GNAO1: variants seen among roughly 807,000 people sequenced by gnomAD.
GNAO1 encodes guanine nucleotide-binding protein G(o) subunit alpha.
For synonymous variants in GNAO1, 164 were observed against 180.7 expected (o/e 0.91, Z 0.74); for missense variants, 166 against 478.7 (o/e 0.35, Z 6.10).
chr16:56,218,152 C>T (rs2036452317), intron 2 of GNAO1, among the ~76,000 whole-genome samples: 2 of 152,220 alleles, frequency 1.3e-5, no homozygotes, highest in African/African-American at 2.4e-5. Flanking sequence ...GCGAGAGATC[C>T]TCTCAAATGT....
intron 4 of GNAO1, among the ~76,000 whole-genome samples, chr16:56,330,846 C>G (rs1157312731): frequency 6.6e-6 from 1 of 152,244 alleles, no homozygotes; most frequent in East Asian, 1.9e-4. Flanking sequence ...CTCATCTCTG[C>G]CTTCTTTCAA....
intron 2 of GNAO1, among the ~76,000 whole-genome samples, chr16:56,262,278 G>T (rs1239895878): frequency 6.6e-6 from 1 of 152,222 alleles, no homozygotes; most frequent in Non-Finnish European, 1.5e-5. Flanking sequence ...AGGGAGCCAG[G>T]AGGAACCCAG....
At chr16:56,273,356 C>A (rs1307178633) in intron 2 of GNAO1, among the ~76,000 whole-genome samples, 2 of 152,156 alleles carry the variant, frequency 1.3e-5, no homozygotes, top group Admixed American at 1.3e-4. Flanking sequence ...ATATTTTCAT[C>A]AGTTGATATT....
intron 2 of GNAO1, among the ~76,000 whole-genome samples, chr16:56,265,376 C>A (rs186413172): frequency 6.6e-6 from 1 of 152,348 alleles, no homozygotes; most frequent in Admixed American, 6.5e-5. Flanking sequence ...AGAAGGCAGG[C>A]CTGGCCATGC....
At chr16:56,242,909 T>C (rs549560246) in intron 2 of GNAO1, among the ~76,000 whole-genome samples, 20 of 152,232 alleles carry the variant, frequency 1.3e-4, no homozygotes, top group African/African-American at 4.3e-4. Flanking sequence ...AGCAGGTGAG[T>C]GAGCAAAGCT....
intron 2 of GNAO1, among the ~76,000 whole-genome samples, chr16:56,224,867 C>T (rs187746315): frequency 1.0e-3 from 159 of 152,326 alleles, no homozygotes; most frequent in Non-Finnish European, 1.5e-3. Flanking sequence ...CATCTGGACA[C>T]TTATAAGGTC....
chr16:56,295,801 C>G (rs1286164396), intron 3 of GNAO1, among the ~76,000 whole-genome samples: 10 of 152,248 alleles, frequency 6.6e-5, no homozygotes, highest in African/African-American at 2.4e-4. Flanking sequence ...GCCGCTGACA[C>G]TGTTGTCAAA....
intron 4 of GNAO1, among the ~76,000 whole-genome samples, chr16:56,331,796 G>A (rs1202092292): frequency 1.3e-5 from 2 of 152,134 alleles, no homozygotes; most frequent in South Asian, 2.1e-4. Context: ...CATATCGCCA[G>A]CCCAGCCCTC....
chr16:56,338,915 C>G (rs764159333), intron 6 of GNAO1, among the ~76,000 whole-genome samples: 3 of 152,226 alleles, frequency 2.0e-5, no homozygotes, highest in Admixed American at 6.5e-5. Flanking sequence ...CCTTTTTCCC[C>G]ATTTCCCCCA....
chr16:56,213,022 G>A (rs990646129), intron 2 of GNAO1, among the ~76,000 whole-genome samples: 57 of 152,196 alleles, frequency 3.7e-4, no homozygotes, highest in African/African-American at 4.1e-4. Flanking sequence ...AGCCCTGCCC[G>A]GTGGCCAGCA....
At chr16:56,314,707 A>G (rs2037491581) in intron 3 of GNAO1, among the ~76,000 whole-genome samples, 1 of 152,202 alleles carries the variant, frequency 6.6e-6, no homozygotes, top group African/African-American at 2.4e-5. Context: ...TGCTGCTGCT[A>G]CTTTTGCACC....
At chr16:56,247,587 T>C (rs1567453939) in intron 2 of GNAO1, among the ~76,000 whole-genome samples, 1 of 151,986 alleles carries the variant, frequency 6.6e-6, no homozygotes, top group Non-Finnish European at 1.5e-5. Flanking sequence ...TAGAGCATCT[T>C]GTGCATACAT....
At chr16:56,343,063 A>C (rs1430068572) in intron 6 of GNAO1, among the ~76,000 whole-genome samples, 1 of 151,386 alleles carries the variant, frequency 6.6e-6, no homozygotes, top group Non-Finnish European at 1.5e-5. Flanking sequence ...ACACCACTGC[A>C]CTCCAGCCTG....
At chr16:56,224,800 T>TA (rs1460052382) in intron 2 of GNAO1, among the ~76,000 whole-genome samples, 29 of 152,340 alleles carry the variant, frequency 1.9e-4, no homozygotes, top group African/African-American at 6.7e-4. Flanking sequence ...CATTTACACT[T>TA]ACGGCTTTGT....
rs149834734 is a variant in GNAO1, at chr16:56,347,366, G to T, written c.724-4018G>T. ...TGCTGTCAGGCCGCAAGCCTAGAGC[G>T]CAGGATCCCAGCAGCCCAGGGAACA... is the stretch of plus-strand genomic sequence containing the variant. On this transcript the variant is annotated intron_variant, in intron 6 of 8. Transcript: ENST00000262493. The T allele has an allele frequency of 6.4e-4, 626 of 985,556 alleles. 5 individuals carry two copies. In the African/African-American group the frequency reaches 9.6e-3, roughly 15 times the overall value. The allele number at this position is 985,556 out of a possible 1,614,324, so 61.1% of individuals were successfully genotyped here. A position where few individuals can be genotyped will look rare whatever the true frequency, so the allele number is the denominator to read the frequency against.
At chr16:56,275,323 T>G (rs2037052151) in intron 2 of GNAO1, among the ~76,000 whole-genome samples, 1 of 152,206 alleles carries the variant, frequency 6.6e-6, no homozygotes, top group Admixed American at 6.5e-5. Flanking sequence ...GATGTCCCCT[T>G]TATGTCTTCT....
At chr16:56,263,930 C>T (rs1375478157) in intron 2 of GNAO1, among the ~76,000 whole-genome samples, 2 of 152,164 alleles carry the variant, frequency 1.3e-5, no homozygotes, top group African/African-American at 2.4e-5. Context: ...ACTTAGACCC[C>T]GGGTCTCCTG....
chr16:56,198,664 G>A (rs1383255020), intron 2 of GNAO1, among the ~76,000 whole-genome samples: 3 of 152,190 alleles, frequency 2.0e-5, no homozygotes, highest in African/African-American at 7.2e-5. Flanking sequence ...CATGAAATGA[G>A]TTAACATATG....
chr16:56,235,394 G>A, intron 2 of GNAO1: 1 of 456,066 alleles, frequency 2.2e-6, no homozygotes. Context: ...GGTAGGTAGA[G>A]CTAGCAGAAC....
Sources: gnomAD v4.1 joint callset for allele counts (sites outside exome capture counted in the v4.1 genomes callset) on GRCh38, gnomAD v4.1.1 for gene constraint, MANE v1.5 for transcripts, NCBI Gene and HGNC (gene_info 2026-07-23, HGNC 2026-07-21) for gene names.